The following HDX variants were observed in gnomAD, a reference collection of about 807,000 sequenced individuals.
HDX encodes the protein chromosome X open reading frame 43.
In HDX, 19 loss-of-function variants were observed where a neutral mutation model predicts 45.2. The ratio of observed to expected loss-of-function variants is 0.42; its 90% CI spans 0.29 to 0.62. The LOEUF (loss-of-function observed/expected upper bound fraction) is 0.62, where lower values mean the gene tolerates loss of function less well. Among genes scored for constraint, HDX ranks in the 20% least tolerant of loss-of-function variants. HDX has a pLI of 0.20. For synonymous variants in HDX, 188 were observed against 172.8 expected (o/e 1.09, Z -0.69); for missense variants, 532 against 493.9 (o/e 1.08, Z -0.73).
At chrX:84,440,725 C>T (rs2039742729) in intron 4 of HDX, 140 bp from the exon 5 acceptor site, 5 of 406,548 alleles carry the variant, frequency 1.2e-5, no homozygotes, top group Non-Finnish European at 1.7e-5. Flanking sequence ...ATGTTGTTTC[C>T]TTATTGAACT....
At chrX:84,494,982 A>T (rs1370164838) in intron 1 of HDX, among the ~76,000 whole-genome samples, 1 of 111,738 alleles carries the variant, frequency 8.9e-6, no homozygotes, top group Non-Finnish European at 1.9e-5. Flanking sequence ...AAAATGTGGC[A>T]TATATACAAA....
chrX:84,482,205 C>T (rs780184413), intron 2 of HDX, among the ~76,000 whole-genome samples: 1 of 111,339 alleles, frequency 9.0e-6, no homozygotes, highest in Non-Finnish European at 1.9e-5. Context: ...TTAGATAAAA[C>T]AATTTTTTTT....
At chrX:84,333,011 C>T (rs1287375125) in intron 9 of HDX, among the ~76,000 whole-genome samples, 1 of 111,442 alleles carries the variant, frequency 9.0e-6, no homozygotes, top group Non-Finnish European at 1.9e-5. Context: ...AACATTTTAA[C>T]ATTACTAATC....
At chrX:84,467,199 TA>T (rs1356194243) in intron 4 of HDX, among the ~76,000 whole-genome samples, 1 of 111,409 alleles carries the variant, frequency 9.0e-6, no homozygotes, top group Non-Finnish European at 1.9e-5. Context: ...TCCTATACTG[TA>T]TTATTGCTTT....
At chrX:84,475,476 A>G in intron 2 of HDX, 79 bp from the exon 3 acceptor site, 1 of 570,190 alleles carries the variant, frequency 1.8e-6, no homozygotes, top group Non-Finnish European at 2.7e-6. Flanking sequence ...TTTTTTTAAT[A>G]CAATTTCAAT....
intron 10 of HDX, among the ~76,000 whole-genome samples, chrX:84,323,884 T>G (rs1011845273): frequency 3.6e-5 from 4 of 112,478 alleles, no homozygotes; most frequent in African/African-American, 1.3e-4. Flanking sequence ...TAAAGCATTT[T>G]CCATATGCTC....
chrX:84,354,928 CACATATAT>C (rs990278561), intron 6 of HDX, among the ~76,000 whole-genome samples: 2 of 21,378 alleles, frequency 9.4e-5, no homozygotes, highest in African/African-American at 3.3e-4. Flanking sequence ...TACACACACA[CACATATAT>C]ATATATATAT....
intron 5 of HDX, among the ~76,000 whole-genome samples, chrX:84,435,139 T>A (rs1286044674): frequency 1.8e-5 from 2 of 111,459 alleles, no homozygotes; most frequent in East Asian, 5.6e-4. Flanking sequence ...TTTTATATAT[T>A]TTTTAGTTTC....
chrX:84,491,377 C>A (rs2040890189), intron 1 of HDX, among the ~76,000 whole-genome samples: 1 of 111,926 alleles, frequency 8.9e-6, no homozygotes, highest in Non-Finnish European at 1.9e-5. Context: ...GAATTTCAAT[C>A]AATGTGGATC....
intron 6 of HDX, among the ~76,000 whole-genome samples, chrX:84,354,637 C>T (rs955546953): frequency 9.2e-6 from 1 of 109,112 alleles, no homozygotes; most frequent in African/African-American, 3.3e-5. Flanking sequence ...TAAAATTTGA[C>T]CAAGTGTTAT....
chrX:84,368,895 C>T (rs1676754169), intron 5 of HDX, among the ~76,000 whole-genome samples: 1 of 110,823 alleles, frequency 9.0e-6, no homozygotes, highest in South Asian at 3.9e-4. Context: ...ACAACCTAGA[C>T]CCCTTGCATG....
chrX:84,380,956 T>G (rs1383225191), intron 5 of HDX, among the ~76,000 whole-genome samples: 1 of 111,313 alleles, frequency 9.0e-6, no homozygotes, highest in Non-Finnish European at 1.9e-5. Flanking sequence ...TATGATCTTA[T>G]ATTTGGAAAA....
intron 4 of HDX, among the ~76,000 whole-genome samples, chrX:84,461,877 C>G: frequency 8.9e-6 from 1 of 112,199 alleles, no homozygotes; most frequent in Non-Finnish European, 1.9e-5. Context: ...AGACATTTCT[C>G]GAAAGAAGAA....
intron 5 of HDX, among the ~76,000 whole-genome samples, chrX:84,374,413 A>C (rs1433750519): frequency 9.9e-5 from 11 of 110,673 alleles, no homozygotes; most frequent in African/African-American, 3.3e-4. Flanking sequence ...AAACTACTTT[A>C]AAGTTCATAT....
chrX:84,385,932 C>A (rs1328575458), intron 5 of HDX, among the ~76,000 whole-genome samples: 1 of 101,461 alleles, frequency 9.9e-6, no homozygotes, highest in Non-Finnish European at 2.0e-5. Flanking sequence ...TGTCTTGTTC[C>A]AGTTCTCAAG....
chrX:84,360,923 A>G (rs140798580), intron 6 of HDX, among the ~76,000 whole-genome samples: 9,605 of 111,382 alleles, frequency 0.086, 406 homozygotes, highest in East Asian at 0.25. Flanking sequence ...TCTTTTGAGT[A>G]GATTGAAATC....
chrX:84,419,362 C>T (rs937374097), intron 5 of HDX, among the ~76,000 whole-genome samples: 1 of 111,613 alleles, frequency 9.0e-6, no homozygotes, highest in African/African-American at 3.3e-5. Flanking sequence ...ACTTAAGAGC[C>T]CTTGGGCCTT....
chrX:84,493,225 C>T (rs987659337), intron 1 of HDX, among the ~76,000 whole-genome samples: 10 of 112,109 alleles, frequency 8.9e-5, no homozygotes, highest in African/African-American at 2.9e-4. Flanking sequence ...TATTCTAATA[C>T]TATGAGAGTA....
intron 5 of HDX, among the ~76,000 whole-genome samples, chrX:84,400,710 T>C (rs1170753382): frequency 9.0e-6 from 1 of 110,920 alleles, no homozygotes; most frequent in African/African-American, 3.3e-5. Flanking sequence ...TACTTTAAAT[T>C]CCATATGGAC....
Sources: gnomAD v4.1 joint callset for allele counts (sites outside exome capture counted in the v4.1 genomes callset) on GRCh38, gnomAD v4.1.1 for gene constraint, MANE v1.5 for transcripts, NCBI Gene and HGNC (gene_info 2026-07-23, HGNC 2026-07-21) for gene names.